Variants in CD200 observed in about 807,000 individuals in gnomAD.
CD200 encodes the protein CD200 molecule.
Under a neutral mutation model 30.9 loss-of-function variants are expected in CD200, and 15 were observed. The observed-to-expected ratio is 0.49, with a 90% CI of 0.32 to 0.75. The LOEUF is 0.75. Among genes scored for constraint, CD200 ranks in the 30% least tolerant of loss-of-function variants. The pLI is 0.03. For missense variants in CD200, 262 were observed against 324.2 expected (o/e 0.81, Z 1.47); for synonymous variants, 134 against 126.2 (o/e 1.06, Z -0.41).
At chr3:112,356,815 T>G (rs1440004523) in intron 5 of CD200, among the ~76,000 whole-genome samples, 1 of 152,248 alleles carries the variant, frequency 6.6e-6, no homozygotes, top group Non-Finnish European at 1.5e-5. Flanking sequence ...GATCAAATCC[T>G]GTCCTTTACA....
chr3:112,358,955 G>A (rs1236045486), intron 5 of CD200, among the ~76,000 whole-genome samples: 7 of 147,124 alleles, frequency 4.8e-5, no homozygotes, highest in South Asian at 2.1e-4. Context: ...GAAACAAAAC[G>A]AAAGTATATT....
In CD200 at chr3:112,345,146, G is replaced by A; in HGVS notation, c.279G>A (p.Lys93=). 6.2e-7 allele frequency: 1 copy of A among 1,614,064 alleles called. No homozygotes were observed. The highest frequency in any genetic ancestry group is 8.5e-7 in the Non-Finnish European group (1 of 1,179,976). ...TGATCCAGCCTGCCTATAAGGACAAGATAAACATTACCCAGCTGGGACTCC... is the reference window on the plus strand; with the variant it reads ...TGATCCAGCCTGCCTATAAGGACAAAATAAACATTACCCAGCTGGGACTCC... The part of the protein sequence containing the change: ...GVVIQPAYKD[K]INITQLGLQN... Residue 93 remains lysine (K), a synonymous_variant, in exon 3 of 6, where the codon AAG becomes AAA. Coordinates refer to ENST00000315711, the MANE Select transcript of CD200 (RefSeq NM_005944.7).
chr3:112,337,042 C>T (rs944257902), intron 1 of CD200, among the ~76,000 whole-genome samples: 3 of 149,966 alleles, frequency 2.0e-5, no homozygotes, highest in East Asian at 2.0e-4. Context: ...GGGGGAGTGG[C>T]GGGGGGTGAG....
chr3:112,335,809 CT>C, intron 1 of CD200: 1 of 731,084 alleles, frequency 1.4e-6, no homozygotes, highest in Non-Finnish European at 2.5e-6. Context: ...CTAACATGAT[CT>C]TGGGTCTTCA....
intron 2 of CD200, among the ~76,000 whole-genome samples, chr3:112,341,899 C>A (rs1458511268): frequency 2.0e-5 from 3 of 152,172 alleles, no homozygotes; most frequent in Non-Finnish European, 4.4e-5. Flanking sequence ...TTTCCCAGAA[C>A]TTTTCACATC....
intron 2 of CD200, among the ~76,000 whole-genome samples, chr3:112,342,419 T>C (rs1327244505): frequency 5.8e-5 from 5 of 86,684 alleles, no homozygotes; most frequent in African/African-American, 1.7e-4. Flanking sequence ...CTTTCTTTCT[T>C]TCTTTCTTTC....
In CD200 at chr3:112,342,345, CTTTCTTTCTTTCTTTCTTTCT is replaced by C. The variant is rs2081271985; in HGVS notation, c.94+1365_94+1385del. Among the ~76,000 whole-genome samples, 40 of 11,578 alleles carry C rather than the reference CTTTCTTTCTTTCTTTCTTTCT, an allele frequency of 3.5e-3. 1 individual carries two copies. Among genetic ancestry groups the C allele is most frequent in the African/African-American group, 6.2e-3 (22 of 3,556 alleles). 7.6% of individuals were successfully genotyped at this position (11,578 alleles called of 152,430 possible). A position where few individuals can be genotyped will look rare whatever the true frequency, so the allele number is the denominator to read the frequency against. ...TCTTTCTTTCTTTCTTTCCTTCTTT[CTTTCTTTCTTTCTTTCTTTCT>C]TTCTTTCTTTCTTTCTTTCTTTCTT... On this transcript the variant is annotated intron_variant, in intron 2 of 5. Coordinates refer to ENST00000315711, the MANE Select transcript of CD200 (RefSeq NM_005944.7).
intron 3 of CD200, among the ~76,000 whole-genome samples, chr3:112,346,639 C>T (rs2108449783): frequency 6.6e-6 from 1 of 152,332 alleles, no homozygotes; most frequent in Non-Finnish European, 1.5e-5. Context: ...AGCCACAGTT[C>T]CATAGCCCTA....
Position 112,351,524 on chromosome 3 carries a change from T to G in CD200, c.802+1705T>G, listed in dbSNP as rs555037692. On this transcript the variant is annotated intron_variant, in intron 5 of 5. Coordinates refer to ENST00000315711, the MANE Select transcript of CD200 (RefSeq NM_005944.7). ...TAGTCATTCAATGCCAATATCCGATTCTTGAAGCAAAAAGAATCAGCTTAT... is the reference window on the plus strand; with the variant it reads ...TAGTCATTCAATGCCAATATCCGATGCTTGAAGCAAAAAGAATCAGCTTAT... Among the ~76,000 whole-genome samples the G allele has an allele frequency of 7.2e-5, 11 of 152,288 alleles. No homozygotes were observed. In the South Asian group the frequency reaches 8.3e-4, roughly 11 times the overall value.
chr3:112,350,037 A>G (rs2081501465), intron 5 of CD200: 1 of 908,094 alleles, frequency 1.1e-6, no homozygotes, highest in Non-Finnish European at 1.3e-6. Context: ...GTTTGCTAAG[A>G]TGACTTAAAA....
intron 5 of CD200, among the ~76,000 whole-genome samples, chr3:112,361,045 T>C (rs919218788): frequency 5.9e-5 from 9 of 152,194 alleles, no homozygotes; most frequent in Admixed American, 5.2e-4. Context: ...TGTTGTTTTG[T>C]TGTTTTTAGA....
In CD200 at chr3:112,362,396, T is replaced by C. The variant is rs2081756886; in HGVS notation, c.*846T>C. The C allele has an allele frequency of 6.6e-6, 1 of 152,414 alleles. No individual in the cohort carries two copies. The highest frequency in any genetic ancestry group is 2.4e-5 in the African/African-American group (1 of 41,458). The allele number at this position is 152,414 out of a possible 1,614,324, so 9.4% of individuals were successfully genotyped here. On this transcript the variant is annotated 3_prime_UTR_variant, in exon 6 of 6. Coordinates refer to ENST00000315711, the MANE Select transcript of CD200 (RefSeq NM_005944.7). ...CATGACCCAGCCCTATTTTACGTCA[T>C]TCTAAATTCAGCCTCATATAATGAA... is the stretch of plus-strand genomic sequence containing the variant.
chr3:112,344,077 A>C (rs916480137), intron 2 of CD200, among the ~76,000 whole-genome samples: 1 of 152,134 alleles, frequency 6.6e-6, no homozygotes, highest in African/African-American at 2.4e-5. Flanking sequence ...CATTTTCTAT[A>C]TCTCTAATTT....
At chr3:112,344,273 G>A (rs1212307400) in intron 2 of CD200, among the ~76,000 whole-genome samples, 2 of 152,068 alleles carry the variant, frequency 1.3e-5, no homozygotes, top group Admixed American at 1.3e-4. Context: ...TTTTTATGTT[G>A]AGATTTTCCA....
chr3:112,360,333 A>AAT (rs1553721433), intron 5 of CD200, among the ~76,000 whole-genome samples: 4 of 141,192 alleles, frequency 2.8e-5, no homozygotes, highest in Non-Finnish European at 4.8e-5. Context: ...ATCTAAAAAA[A>AAT]ATATATATAT....
intron 3 of CD200, among the ~76,000 whole-genome samples, chr3:112,346,513 A>G (rs556226815): frequency 3.7e-4 from 56 of 152,028 alleles, no homozygotes; most frequent in Middle Eastern, 3.4e-3. Flanking sequence ...CATGTAAGCC[A>G]TTCTTTGATA....
chr3:112,342,380 T>C (rs372498661), intron 2 of CD200, among the ~76,000 whole-genome samples: 696 of 49,958 alleles, frequency 0.014, 71 homozygotes, highest in East Asian at 0.048. Context: ...TTTCTTTCTT[T>C]CTTTCTTTCT....
intron 2 of CD200, among the ~76,000 whole-genome samples, chr3:112,342,397 C>T (rs2081282220): frequency 5.6e-5 from 3 of 53,638 alleles, no homozygotes; most frequent in African/African-American, 2.2e-4. Context: ...TTCTTTCTTT[C>T]TTTCTTTCTT....
chr3:112,346,890 G>T (rs2280462), intron 3 of CD200, among the ~76,000 whole-genome samples: 138,679 of 152,272 alleles, frequency 0.91, 63,179 homozygotes, highest in East Asian at 0.97. Flanking sequence ...GAGCTAGTTA[G>T]TTTTTCTTAA....
Sources: gnomAD v4.1 joint callset for allele counts (sites outside exome capture counted in the v4.1 genomes callset) on GRCh38, gnomAD v4.1.1 for gene constraint, MANE v1.5 for transcripts, NCBI Gene and HGNC (gene_info 2026-07-23, HGNC 2026-07-21) for gene names.